The following COL4A1 variants were observed in gnomAD, a reference collection of about 807,000 sequenced individuals.
The protein encoded by COL4A1 is collagen type IV alpha 1 chain.
Under a neutral mutation model 216.6 loss-of-function variants are expected in COL4A1, and 40 were observed. That is an observed-to-expected ratio of 0.18 (90% CI 0.14 to 0.24). COL4A1 has a LOEUF of 0.24. Among genes scored for constraint, COL4A1 ranks in the 10% least tolerant of loss-of-function variants. COL4A1 has a pLI of 1.00. For synonymous variants in COL4A1, 839 were observed against 810.7 expected (o/e 1.03, Z -0.59); for missense variants, 1,628 against 2,196.8 (o/e 0.74, Z 5.18).
At chr13:110,274,395 T>A (rs1347351459) in intron 1 of COL4A1, among the ~76,000 whole-genome samples, 3 of 152,194 alleles carry the variant, frequency 2.0e-5, no homozygotes, top group Non-Finnish European at 4.4e-5. Context: ...GCACGTATAA[T>A]TCAAAGAGAA....
rs758566775 is a variant in COL4A1, at chr13:110,179,295, G to A, written c.2320C>T (p.Pro774Ser). 2 of 1,614,126 alleles carry A rather than the reference G, an allele frequency of 1.2e-6. No homozygotes were observed. Among genetic ancestry groups the A allele is most frequent in the Admixed American group, 1.7e-5 (1 of 60,012 alleles). Residue 774 changes from proline (P) to serine (S), a missense_variant, in exon 30 of 52, where the codon CCC (proline) becomes TCC (serine). This residue lies in a region of COL4A1 where 701 missense variants were observed against 892.5 expected (regional missense o/e 0.79). Coordinates refer to ENST00000375820, the MANE Select transcript of COL4A1 (RefSeq NM_001845.6). Reference protein sequence around the residue: ...GVPGEHGAIGPPGLQGIRGEP... With the variant: ...GVPGEHGAIGSPGLQGIRGEP... The stretch of plus-strand genomic sequence containing the variant: ...CCTCTGATCCCCTGAAGCCCAGGGG[G>A]TCCGATCGCTCCATGTTCTCCAGGA...
rs1879868660 is a variant in COL4A1 at position 110,212,638 on chromosome 13, A to G, written c.280-20T>C. ...AGGTCCCTGTGAGGGCGGAAGTAAAAGCGTGTCAGTGAAGAGCCGGGAAGC... is the reference window on the plus strand; with the variant it reads ...AGGTCCCTGTGAGGGCGGAAGTAAAGGCGTGTCAGTGAAGAGCCGGGAAGC... On this transcript the variant is annotated intron_variant, in intron 4 of 51. Transcript: ENST00000375820. The G allele has an allele frequency of 3.1e-6, 5 of 1,613,434 alleles. No homozygotes were observed. Among genetic ancestry groups the G allele is most frequent in the Non-Finnish European group, 4.2e-6 (5 of 1,180,010 alleles).
At chr13:110,306,923 C>T in intron 1 of COL4A1, 21 bp downstream of exon 1, 1 of 1,451,162 alleles carries the variant, frequency 6.9e-7, no homozygotes, top group Non-Finnish European at 9.1e-7. Context: ...ACGCCGGGAG[C>T]GGAGCTGGCC....
intron 1 of COL4A1, among the ~76,000 whole-genome samples, chr13:110,248,103 T>A (rs1433585739): frequency 6.6e-6 from 1 of 152,164 alleles, no homozygotes; most frequent in Non-Finnish European, 1.5e-5. Flanking sequence ...CTTTCTCGCA[T>A]TCCCTATGCT....
At chr13:110,209,704 A>G in intron 10 of COL4A1, 3 of 683,108 alleles carry the variant, frequency 4.4e-6, no homozygotes, top group Non-Finnish European at 7.9e-6. Context: ...GGCTGTGACT[A>G]TCAGCAGTAC....
At chr13:110,253,261 GTATA>G (rs1211509476) in intron 1 of COL4A1, among the ~76,000 whole-genome samples, 1 of 125,026 alleles carries the variant, frequency 8.0e-6, no homozygotes, top group African/African-American at 3.3e-5. Flanking sequence ...ATATAATTAG[GTATA>G]TATACATATA....
intron 28 of COL4A1, 59 bp downstream of exon 28, chr13:110,182,934 C>G: frequency 6.6e-7 from 1 of 1,504,600 alleles, no homozygotes; most frequent in African/African-American, 1.4e-5. Flanking sequence ...CTACCACCTC[C>G]TCTTTTCTCA....
chr13:110,220,633 C>T (rs181624156), intron 2 of COL4A1, among the ~76,000 whole-genome samples: 157 of 152,264 alleles, frequency 1.0e-3, no homozygotes, highest in Non-Finnish European at 1.3e-3. Context: ...TTCTAAAGCA[C>T]GTGGGGTTGT....
intron 20 of COL4A1, among the ~76,000 whole-genome samples, chr13:110,200,474 C>T (rs948318273): frequency 6.6e-5 from 10 of 152,112 alleles, no homozygotes; most frequent in African/African-American, 1.7e-4. Context: ...GTGGTCAGGA[C>T]GCTGAGGAGG....
At chr13:110,261,447 T>A (rs561948331) in intron 1 of COL4A1, among the ~76,000 whole-genome samples, 37 of 152,376 alleles carry the variant, frequency 2.4e-4, no homozygotes, top group Non-Finnish European at 2.8e-4. Flanking sequence ...TACCGCTGTT[T>A]AGATTTGGAG....
chr13:110,240,635 C>T (rs368657777), intron 2 of COL4A1, among the ~76,000 whole-genome samples: 24 of 152,342 alleles, frequency 1.6e-4, no homozygotes, highest in East Asian at 5.8e-4. Flanking sequence ...GAAATGTTGG[C>T]GGCCCCTTTC....
rs112004178 is a variant in COL4A1, at chr13:110,262,360, A to G, written c.85-19626T>C. 2.2e-3 allele frequency among the ~76,000 whole-genome samples: 341 copies of G among 152,370 alleles called. 2 individuals carry two copies. The highest frequency in any genetic ancestry group is 7.9e-3 in the African/African-American group (329 of 41,590). ...TCCCAGTATACAACATGAAAAATGC[A>G]GCTACTACTTCAAAATGCGTCTGCC... On this transcript the variant is annotated intron_variant, in intron 1 of 51. Transcript: ENST00000375820.
chr13:110,242,801 A>G (rs1881625132), intron 1 of COL4A1, 67 bp from the exon 2 acceptor site: 1 of 1,548,868 alleles, frequency 6.5e-7, no homozygotes, highest in Non-Finnish European at 8.9e-7. Flanking sequence ...ATGCAAATGG[A>G]GATGGTTCTG....
chr13:110,266,560 C>T (rs1348166156), intron 1 of COL4A1, among the ~76,000 whole-genome samples: 1 of 152,174 alleles, frequency 6.6e-6, no homozygotes, highest in Non-Finnish European at 1.5e-5. Flanking sequence ...CCTCAGTATA[C>T]GTCGCGGAGA....
At chr13:110,253,184 T>TGTATTATATATACATGTAACTATATGTAC (rs1566417536) in intron 1 of COL4A1, among the ~76,000 whole-genome samples, 2 of 124,470 alleles carry the variant, frequency 1.6e-5, no homozygotes, top group African/African-American at 6.3e-5. Context: ...TATGTACGTA[T>TGTATTATATATACATGTAACTATATGTAC]GTATTATATA....
chr13:110,156,565 C>A (rs1305938905), intron 49 of COL4A1, among the ~76,000 whole-genome samples: 1 of 152,208 alleles, frequency 6.6e-6, no homozygotes, highest in African/African-American at 2.4e-5. Context: ...CCAAGCCAGG[C>A]TGATTCAGCT....
chr13:110,219,662 GTA>G (rs67727932), intron 2 of COL4A1, among the ~76,000 whole-genome samples: 111 of 64,496 alleles, frequency 1.7e-3, no homozygotes, highest in East Asian at 3.3e-3. Context: ...ATATATATAT[GTA>G]TATATATATA....
intron 26 of COL4A1, among the ~76,000 whole-genome samples, chr13:110,184,633 T>A (rs1305473562): frequency 6.6e-6 from 1 of 152,170 alleles, no homozygotes; most frequent in Non-Finnish European, 1.5e-5. Context: ...TGGGCTTCCA[T>A]CAAACACTGG....
intron 1 of COL4A1, among the ~76,000 whole-genome samples, chr13:110,252,722 TA>T (rs1457121586): frequency 7.1e-6 from 1 of 140,014 alleles, no homozygotes; most frequent in African/African-American, 2.7e-5. Flanking sequence ...ATTATACATA[TA>T]ATTATAAGTA....
Sources: allele counts gnomAD v4.1 joint callset (sites outside exome capture counted in the v4.1 genomes callset), GRCh38; gene constraint gnomAD v4.1.1; regional missense constraint gnomAD v4.1.1; transcripts MANE v1.5; gene names NCBI Gene and HGNC (gene_info 2026-07-23, HGNC 2026-07-21).